AP3D1: variants seen among roughly 807,000 people sequenced by gnomAD.
AP3D1 encodes the protein adaptor related protein complex 3 subunit delta 1, also known as AP-3 complex subunit delta-1.
In AP3D1, 51 loss-of-function variants were observed where a neutral mutation model predicts 147.6. The observed-to-expected ratio is 0.35, with a 90% CI of 0.28 to 0.44. The LOEUF (loss-of-function observed/expected upper bound fraction) is 0.44, where lower values mean the gene tolerates loss of function less well. Ranked by LOEUF, AP3D1 falls within the 20% of genes least tolerant of loss-of-function variation. The probability of loss-of-function intolerance (pLI) is 1.00; values close to 1 mark genes in which losing one functional copy is unlikely to be tolerated. For missense variants in AP3D1, 1,421 were observed against 1,624.2 expected, an observed-to-expected ratio of 0.87 and a Z score of 2.15; for synonymous variants, 760 against 663.0, an observed-to-expected ratio of 1.15 and a Z score of -2.25.
upstream of AP3D1, among the ~76,000 whole-genome samples, chr19:2,151,811 C>A (rs978199469): frequency 5.3e-5 from 8 of 152,266 alleles, no homozygotes; most frequent in African/African-American, 1.9e-4. Flanking sequence ...GTTCTGAGCC[C>A]TAGCCACGCC....
intron 31 of AP3D1, among the ~76,000 whole-genome samples, chr19:2,105,637 C>T (rs1568272367): frequency 1.3e-5 from 2 of 152,044 alleles, no homozygotes; most frequent in Non-Finnish European, 2.9e-5. Flanking sequence ...CTGTGAGATC[C>T]CTGATTTCCC....
chr19:2,161,829 A>G (rs1299520454), intron 1 of AP3D1, among the ~76,000 whole-genome samples: 1 of 151,910 alleles, frequency 6.6e-6, no homozygotes, highest in Non-Finnish European at 1.5e-5. Context: ...GGCACTTAGA[A>G]TCCCAGCTAC....
At chr19:2,108,895 G>T in intron 30 of AP3D1, 129 bp from the exon 31 acceptor site, 1 of 1,309,164 alleles carries the variant, frequency 7.6e-7, no homozygotes, top group Admixed American at 2.2e-5. Context: ...GCAGGGTGTG[G>T]CCCTGAGAGG....
chr19:2,124,436 C>T lies in AP3D1; in HGVS notation c.857-557G>A, dbSNP rs112134179. 4.6e-5 allele frequency among the ~76,000 whole-genome samples: 7 copies of T among 152,278 alleles called. No individual in the cohort carries two copies. In the East Asian group the frequency reaches 5.8e-4, roughly 13 times the overall value. ...CAGGGACAGGCAGGCAGCGAGAAGC[C>T]GACCCTCAGAGCCCCAGCTCTAACA... is the stretch of plus-strand genomic sequence containing the variant. On this transcript the variant is annotated intron_variant, in intron 9 of 31. Transcript: ENST00000643116.
rs2018621608 is a variant in AP3D1, at chr19:2,121,854, C to T, written c.981G>A (p.Met327Ile). 1 of 1,609,336 alleles carries T rather than the reference C, an allele frequency of 6.2e-7. No individual in the cohort carries two copies. The highest frequency in any genetic ancestry group is 1.7e-5 in the Admixed American group (1 of 58,630). Residue 327 changes from methionine (M) to isoleucine (I), a missense_variant, in exon 12 of 32, where the codon ATG (methionine) becomes ATA (isoleucine). Coordinates refer to ENST00000643116, the MANE Select transcript of AP3D1 (RefSeq NM_001261826.3). ...TGGGGTGGGTCTTCAGGATCTTGGA[C>T]ATTGCCAGCAGCCCCAGGTACTTCA... ...QNLKYLGLLA[M>I]SKILKTHPKS...
intron 12 of AP3D1, 147 bp downstream of exon 12, chr19:2,121,587 C>G: frequency 8.4e-7 from 1 of 1,194,738 alleles, no homozygotes; most frequent in South Asian, 1.6e-5. Flanking sequence ...TGGACCAGGA[C>G]TGGCGCCCCT....
intron 5 of AP3D1, 28 bp downstream of exon 5, chr19:2,132,443 G>C (rs762076533): frequency 6.4e-7 from 1 of 1,568,392 alleles, no homozygotes; most frequent in Non-Finnish European, 8.8e-7. Flanking sequence ...CAGACATGCA[G>C]GGGTGGTGGG....
Position 2,111,325 on chromosome 19 carries a change from G to C in AP3D1, c.2945C>G (p.Ser982Cys). The C allele has an allele frequency of 3.1e-6, 5 of 1,613,988 alleles. No homozygotes were observed. The highest frequency in any genetic ancestry group is 4.2e-6 in the Non-Finnish European group (5 of 1,180,028). The change falls in exon 26 of 32, where the codon TCC (serine) becomes TGC (cysteine). Residue 982 changes from serine to cysteine, a missense_variant. By Grantham distance (112) the Ser-to-Cys change is moderately radical. Transcript: ENST00000643116. ...ATTTTCAGCGAGGAGGGAGTAGCTG[G>C]ACTCAGGCTGGAAATAGAAAAGGCG... ...APEEEQLPPE[S>C]SYSLLAENSY... is the part of the protein sequence containing the mutation.
intron 17 of AP3D1, 144 bp from the exon 18 acceptor site, chr19:2,116,422 C>A (rs983349298): frequency 6.5e-6 from 8 of 1,223,492 alleles, no homozygotes. Context: ...AAACCAAGGC[C>A]CGCAATTGGG....
chr19:2,102,357 G>T, intron 31 of AP3D1, 89 bp from the exon 32 acceptor site: 1 of 1,145,030 alleles, frequency 8.7e-7, no homozygotes, highest in Non-Finnish European at 1.3e-6. Context: ...ATTTTGGGAG[G>T]CCAAGGTGGG....
At chr19:2,126,723 G>A (rs943365978) in intron 9 of AP3D1, among the ~76,000 whole-genome samples, 2 of 151,848 alleles carry the variant, frequency 1.3e-5, no homozygotes, top group African/African-American at 4.8e-5. Flanking sequence ...AAGTATCCAC[G>A]GGTGAAACGA....
At chr19:2,146,781 T>A (rs2019367917) in intron 1 of AP3D1, among the ~76,000 whole-genome samples, 1 of 152,072 alleles carries the variant, frequency 6.6e-6, no homozygotes, top group Admixed American at 6.6e-5. Context: ...TCGGGAATTC[T>A]GGGAGACTTT....
At chr19:2,146,196 G>A (rs1304896045) in intron 1 of AP3D1, among the ~76,000 whole-genome samples, 1 of 152,166 alleles carries the variant, frequency 6.6e-6, no homozygotes, top group East Asian at 1.9e-4. Context: ...CGGCTGCAAA[G>A]CACACACACC....
chr19:2,138,494 G>C, intron 2 of AP3D1, 125 bp downstream of exon 2: 1 of 764,310 alleles, frequency 1.3e-6, no homozygotes. Flanking sequence ...GGCCCTGAGT[G>C]GCTCACCGAC....
chr19:2,121,029 G>A lies in AP3D1; in HGVS notation c.1314C>T (p.Ala438=), dbSNP rs373957589. 207 of 1,612,556 alleles carry A rather than the reference G, an allele frequency of 1.3e-4. No individual in the cohort carries two copies. The highest frequency in any genetic ancestry group is 4.9e-4 in the Middle Eastern group (3 of 6,084). Residue 438 remains alanine (A), a synonymous_variant, in exon 14 of 32, where the codon GCC becomes GCT. Transcript: ENST00000643116. ...GGATGGCCACGTCCAGCATTTGGGC[G>A]GCGATGAGGTGGCCGTGCCGTGTGC... ...LEGTRHGHLI[A]AQMLDVAIRV...
Position 2,135,307 on chromosome 19 carries a change from G to A in AP3D1, c.354+1704C>T, listed in dbSNP as rs141643490. Among the ~76,000 whole-genome samples the A allele has an allele frequency of 8.0e-3, 1,217 of 152,144 alleles. 8 individuals are homozygous for A. Among genetic ancestry groups the A allele is most frequent in the Non-Finnish European group, 0.012 (818 of 68,004 alleles). ...TCCCAGCACTTTGGGAAGCCAAGGC[G>A]GGCAGATCACTTGAGGCTGGGAGTT... On this transcript the variant is annotated intron_variant, in intron 4 of 31. Coordinates refer to ENST00000643116, the MANE Select transcript of AP3D1 (RefSeq NM_001261826.3).
At chr19:2,127,606 C>T (rs945424537) in intron 8 of AP3D1, among the ~76,000 whole-genome samples, 2 of 152,228 alleles carry the variant, frequency 1.3e-5, no homozygotes, top group African/African-American at 4.8e-5. Context: ...CTCACTGCGA[C>T]CTCCGCCTCT....
upstream of AP3D1, among the ~76,000 whole-genome samples, chr19:2,153,715 G>A (rs2019622825): frequency 6.6e-6 from 1 of 152,128 alleles, no homozygotes; most frequent in Non-Finnish European, 1.5e-5. Flanking sequence ...GGGCATGGTG[G>A]CTCCATATCT....
intron 1 of AP3D1, among the ~76,000 whole-genome samples, chr19:2,147,748 G>A (rs1389542288): frequency 6.6e-6 from 1 of 151,106 alleles, no homozygotes; most frequent in Non-Finnish European, 1.5e-5. Context: ...ACAAAAATTA[G>A]CTGGATGTGG....
Sources: allele counts gnomAD v4.1 joint callset (sites outside exome capture counted in the v4.1 genomes callset), GRCh38; gene constraint gnomAD v4.1.1; transcripts MANE v1.5; gene names NCBI Gene and HGNC (gene_info 2026-07-23, HGNC 2026-07-21).